The following SNTG1 variants were observed in gnomAD, a reference collection of about 807,000 sequenced individuals.
The protein encoded by SNTG1 is gamma-1-syntrophin.
SNTG1 carries 39 observed loss-of-function variants against 74.7 expected under a neutral mutation model. That is an observed-to-expected ratio of 0.52 (90% confidence interval 0.40 to 0.68). The LOEUF is 0.68. SNTG1 is among the 30% of genes least tolerant of loss of function. The probability of loss-of-function intolerance (pLI) is 0.00; values close to 1 mark genes in which losing one functional copy is unlikely to be tolerated. For synonymous variants in SNTG1, 254 were observed against 217.1 expected (o/e 1.17, Z -1.49); for missense variants, 685 against 609.5 (o/e 1.12, Z -1.30).
Position 50,489,574 on chromosome 8 carries a change from T to G in SNTG1, c.364-13204T>G, listed in dbSNP as rs143326693. 3.0e-3 allele frequency among the ~76,000 whole-genome samples: 453 copies of G among 152,242 alleles called. 16 individuals are homozygous for G. In the East Asian group the frequency reaches 0.078, roughly 26 times the overall value. ...GTTTGTTGGCTGCATAAATGTCTTCTTTTGAGAAGTGTCTGTTCATATCCT... is the reference window on the plus strand; with the variant it reads ...GTTTGTTGGCTGCATAAATGTCTTCGTTTGAGAAGTGTCTGTTCATATCCT... On this transcript the variant is annotated intron_variant, in intron 8 of 18. Coordinates refer to ENST00000642720, the MANE Select transcript of SNTG1 (RefSeq NM_018967.5).
At chr8:50,317,029 G>C (rs776647695) in intron 2 of SNTG1, among the ~76,000 whole-genome samples, 1 of 152,198 alleles carries the variant, frequency 6.6e-6, no homozygotes, top group Non-Finnish European at 1.5e-5. Flanking sequence ...TTAAAAAGTA[G>C]TGAGTGATTG....
At chr8:49,952,879 C>T (rs937171134) in intron 1 of SNTG1, among the ~76,000 whole-genome samples, 1 of 152,148 alleles carries the variant, frequency 6.6e-6, no homozygotes, top group Non-Finnish European at 1.5e-5. Flanking sequence ...GAGTAGGATA[C>T]AAATTACTGA....
chr8:50,399,872 G>C (rs1038875980), intron 3 of SNTG1, among the ~76,000 whole-genome samples: 1 of 152,118 alleles, frequency 6.6e-6, no homozygotes, highest in South Asian at 2.1e-4. Flanking sequence ...AGATTAGTCA[G>C]CCTGGTTTCA....
At chr8:50,596,958 T>G (rs1344085520) in intron 13 of SNTG1, among the ~76,000 whole-genome samples, 3 of 151,922 alleles carry the variant, frequency 2.0e-5, no homozygotes, top group Non-Finnish European at 4.4e-5. Flanking sequence ...AAGTTTACAC[T>G]ACATGGTTAT....
intron 13 of SNTG1, among the ~76,000 whole-genome samples, chr8:50,649,063 TACTC>T (rs2095128088): frequency 6.6e-6 from 1 of 152,220 alleles, no homozygotes; most frequent in African/African-American, 2.4e-5. Flanking sequence ...TAATTGTACT[TACTC>T]TATACTCGTA....
intron 2 of SNTG1, among the ~76,000 whole-genome samples, chr8:50,387,048 G>A (rs2131268741): frequency 6.6e-6 from 1 of 152,166 alleles, no homozygotes. Flanking sequence ...AAATTTAGTA[G>A]GCTTCCTGTC....
intron 15 of SNTG1, among the ~76,000 whole-genome samples, chr8:50,695,052 C>T (rs186989101): frequency 7.9e-4 from 120 of 151,880 alleles, no homozygotes; most frequent in Middle Eastern, 6.8e-3. Flanking sequence ...TATCACCACT[C>T]GTATTCATTA....
Position 50,287,965 on chromosome 8 carries a change from C to A in SNTG1, c.-27-106247C>A, listed in dbSNP as rs188451929. ...CATTGCAAACGTCATCTCTATGAAG[C>A]AATTCTGACTTTCTGCTATTCCTCT... On this transcript the variant is annotated intron_variant, in intron 2 of 18. Transcript: ENST00000642720. Among the ~76,000 whole-genome samples the A allele has an allele frequency of 9.2e-5, 14 of 152,298 alleles. No homozygotes were observed. In the East Asian group the frequency reaches 2.7e-3, roughly 29 times the overall value.
chr8:50,377,532 T>G (rs889833205), intron 2 of SNTG1, among the ~76,000 whole-genome samples: 5 of 152,180 alleles, frequency 3.3e-5, no homozygotes, highest in African/African-American at 2.4e-5. Context: ...TCATGAATTT[T>G]CAGAATTTTT....
At chr8:49,985,167 G>GTTTT (rs2130209507) in intron 1 of SNTG1, among the ~76,000 whole-genome samples, 1 of 152,106 alleles carries the variant, frequency 6.6e-6, no homozygotes, top group East Asian at 1.9e-4. Context: ...TTTTTTGTTT[G>GTTTT]TTTGTTTAAT....
At chr8:49,967,111 T>A (rs1371242829) in intron 1 of SNTG1, among the ~76,000 whole-genome samples, 3 of 152,234 alleles carry the variant, frequency 2.0e-5, no homozygotes, top group Non-Finnish European at 2.9e-5. Context: ...AGGGCGTAAG[T>A]ATTTTATCAT....
intron 1 of SNTG1, among the ~76,000 whole-genome samples, chr8:50,154,144 ATG>A (rs1398785042): frequency 2.6e-5 from 4 of 151,956 alleles, no homozygotes; most frequent in African/African-American, 9.7e-5. Flanking sequence ...TTGCACTTTG[ATG>A]TCAGACTGCT....
chr8:50,701,721 T>TC (rs1554616093), intron 15 of SNTG1, among the ~76,000 whole-genome samples: 5 of 135,176 alleles, frequency 3.7e-5, no homozygotes, highest in Admixed American at 1.5e-4. Flanking sequence ...TCTTCCTCTT[T>TC]TTCTTCTTCT....
chr8:50,064,402 C>A (rs1193763458), intron 1 of SNTG1, among the ~76,000 whole-genome samples: 1 of 152,140 alleles, frequency 6.6e-6, no homozygotes, highest in Non-Finnish European at 1.5e-5. Context: ...TCTCCTTCTG[C>A]TTACCTTGAT....
intron 1 of SNTG1, among the ~76,000 whole-genome samples, chr8:50,145,616 T>C (rs1353873903): frequency 1.3e-5 from 2 of 152,150 alleles, no homozygotes; most frequent in Admixed American, 6.6e-5. Flanking sequence ...TGGGGCGGTG[T>C]TGAGAAACTC....
chr8:50,722,379 T>C (rs1474840602), intron 17 of SNTG1, among the ~76,000 whole-genome samples: 1 of 151,928 alleles, frequency 6.6e-6, no homozygotes, highest in Non-Finnish European at 1.5e-5. Flanking sequence ...TTTTACCATG[T>C]TGGCCAGGCT....
chr8:50,536,739 G>A lies in SNTG1; in HGVS notation c.611G>A (p.Cys204Tyr). The A allele has an allele frequency of 6.2e-7, 1 of 1,614,012 alleles. No individual in the cohort carries two copies. The highest frequency in any genetic ancestry group is 2.2e-5 in the East Asian group (1 of 44,876). Residue 204 changes from cysteine (C) to tyrosine (Y), a missense_variant, in exon 11 of 19, where the codon TGC (cysteine) becomes TAC (tyrosine). Transcript: ENST00000642720. Reference protein sequence around the residue: ...SPGLRWEKRWCDLRLIPLLHS... With the variant: ...SPGLRWEKRWYDLRLIPLLHS... ...GGCTTGAGGTGGGAGAAGCGATGGTGCGACCTCAGACTGATCCCTCTACTT... is the reference window on the plus strand; with the variant it reads ...GGCTTGAGGTGGGAGAAGCGATGGTACGACCTCAGACTGATCCCTCTACTT...
At chr8:50,595,948 C>T (rs552341603) in intron 13 of SNTG1, among the ~76,000 whole-genome samples, 1 of 151,846 alleles carries the variant, frequency 6.6e-6, no homozygotes, top group Admixed American at 6.6e-5. Flanking sequence ...TATGAAAAGT[C>T]TTTGTCTTGA....
chr8:49,986,863 C>G (rs759741875), intron 1 of SNTG1, among the ~76,000 whole-genome samples: 1 of 151,940 alleles, frequency 6.6e-6, no homozygotes, highest in South Asian at 2.1e-4. Context: ...GAGTGAGCCA[C>G]GGTCTCAAAA....
Sources: allele counts gnomAD v4.1 joint callset (sites outside exome capture counted in the v4.1 genomes callset), GRCh38; gene constraint gnomAD v4.1.1; transcripts MANE v1.5; gene names NCBI Gene and HGNC (gene_info 2026-07-23, HGNC 2026-07-21).